The following C10orf90 variants were observed in gnomAD, a reference collection of about 807,000 sequenced individuals.
The protein encoded by C10orf90 is chromosome 10 open reading frame 90.
In C10orf90, 56 loss-of-function variants were observed where a neutral mutation model predicts 62.5. The observed-to-expected ratio is 0.90, with a 90% CI of 0.72 to 1.12. The LOEUF (loss-of-function observed/expected upper bound fraction) is 1.12. Ranked by LOEUF, C10orf90 falls within the 50% of genes most tolerant of loss-of-function variation. The pLI, the probability that C10orf90 is intolerant of heterozygous loss-of-function variation, is 0.00. For missense variants in C10orf90, 970 were observed against 880.4 expected (o/e 1.10, Z -1.29); for synonymous variants, 386 against 340.4 (o/e 1.13, Z -1.47).
chr10:126,540,040 G>A (rs1864337177), intron 2 of C10orf90, among the ~76,000 whole-genome samples: 1 of 152,104 alleles, frequency 6.6e-6, no homozygotes, highest in Admixed American at 6.6e-5. Context: ...AATCAAAGCA[G>A]CCTCCAAGAA....
intron 4 of C10orf90, among the ~76,000 whole-genome samples, chr10:126,465,913 C>T (rs1014743487): frequency 3.9e-5 from 6 of 152,168 alleles, no homozygotes; most frequent in African/African-American, 1.4e-4. Flanking sequence ...TGCTTTTAGA[C>T]TCAGAAATCT....
At chr10:126,555,905 G>A (rs893094) in intron 2 of C10orf90, among the ~76,000 whole-genome samples, 38,813 of 151,818 alleles carry the variant, frequency 0.26, 5,382 homozygotes, top group East Asian at 0.38. Context: ...ACTATACTCC[G>A]CAAAGATATC....
At chr10:126,431,819 G>C (rs749434697) in intron 7 of C10orf90, among the ~76,000 whole-genome samples, 82 of 151,804 alleles carry the variant, frequency 5.4e-4, no homozygotes, top group Non-Finnish European at 9.9e-4. Context: ...TGTTTCTTTA[G>C]AGCACCTGAT....
intron 1 of C10orf90, among the ~76,000 whole-genome samples, chr10:126,657,097 A>G (rs1334331215): frequency 6.6e-6 from 1 of 152,166 alleles, no homozygotes; most frequent in Non-Finnish European, 1.5e-5. Context: ...AGGGGCCAGT[A>G]CTCAGAAGTG....
chr10:126,652,332 A>C (rs977882613), intron 1 of C10orf90, among the ~76,000 whole-genome samples: 1 of 152,210 alleles, frequency 6.6e-6, no homozygotes, highest in South Asian at 2.1e-4. Flanking sequence ...CTGAGATAAT[A>C]TCCCTTATCT....
At chr10:126,478,424 A>G (rs1861006310) in intron 4 of C10orf90, among the ~76,000 whole-genome samples, 1 of 152,218 alleles carries the variant, frequency 6.6e-6, no homozygotes, top group Admixed American at 6.5e-5. Context: ...CTTTGTTATA[A>G]TTGACTCAGC....
rs140710105 is a variant in C10orf90, at chr10:126,664,774, A to T, written c.240+5467T>A. On this transcript the variant is annotated intron_variant, in intron 1 of 9. Coordinates refer to ENST00000488181, the MANE Select transcript of C10orf90 (RefSeq NM_001350921.2). ...ACTGTCCATTGTAGCGAGATTGGAG[A>T]CCTCACTCACCAGATTTCAGATATG... is the stretch of plus-strand genomic sequence containing the variant. Among the ~76,000 whole-genome samples, 554 of 152,152 alleles carry T rather than the reference A, an allele frequency of 3.6e-3. 2 individuals are homozygous for T. Among genetic ancestry groups the T allele is most frequent in the Non-Finnish European group, 7.0e-3 (473 of 67,984 alleles).
chr10:126,563,615 T>C (rs1483393365), intron 2 of C10orf90, among the ~76,000 whole-genome samples: 1 of 152,202 alleles, frequency 6.6e-6, no homozygotes, highest in Non-Finnish European at 1.5e-5. Context: ...CATTGATGGC[T>C]GTGATAGAGG....
At chr10:126,615,425 C>G (rs1032031759) in intron 2 of C10orf90, among the ~76,000 whole-genome samples, 1 of 152,142 alleles carries the variant, frequency 6.6e-6, no homozygotes, top group African/African-American at 2.4e-5. Flanking sequence ...AGGTATCTTA[C>G]ACCAAGTTAT....
At chr10:126,565,725 T>C (rs1591105103) in intron 2 of C10orf90, among the ~76,000 whole-genome samples, 1 of 152,010 alleles carries the variant, frequency 6.6e-6, no homozygotes, top group Non-Finnish European at 1.5e-5. Context: ...GAACTCTCCA[T>C]CCAGGAGGGG....
chr10:126,619,433 T>C (rs984876632), intron 2 of C10orf90, among the ~76,000 whole-genome samples: 1 of 152,238 alleles, frequency 6.6e-6, no homozygotes, highest in African/African-American at 2.4e-5. Flanking sequence ...TGTCAACTGC[T>C]TCAAATCTTT....
At chr10:126,468,570 G>A (rs374207932) in intron 4 of C10orf90, among the ~76,000 whole-genome samples, 36 of 152,292 alleles carry the variant, frequency 2.4e-4, no homozygotes, top group African/African-American at 7.9e-4. Context: ...GCATGTGTCC[G>A]GGCATGCTGG....
At position 126,505,155 on chromosome 10, in the gene C10orf90, G is replaced by A. The variant is rs144468561; in HGVS notation, c.406-70C>T. Reference sequence around the variant, plus strand: ...ATATAGACAGTAAACTCTCTTTCAAGGGCCACCAGGATGCCAGAGCACTGG... The same window carrying A: ...ATATAGACAGTAAACTCTCTTTCAAAGGCCACCAGGATGCCAGAGCACTGG... On this transcript the variant is annotated intron_variant, in intron 3 of 9. Coordinates refer to ENST00000488181, the MANE Select transcript of C10orf90 (RefSeq NM_001350921.2). 1.5e-3 allele frequency: 2,221 copies of A among 1,481,370 alleles called. 16 individuals are homozygous for A. The African/African-American group carries it at 0.025, about 16-fold the overall frequency. The allele number at this position is 1,481,370 out of a possible 1,614,324, so 91.8% of individuals were successfully genotyped here.
chr10:126,501,417 C>T (rs1245099759), intron 4 of C10orf90, among the ~76,000 whole-genome samples: 2 of 152,118 alleles, frequency 1.3e-5, no homozygotes, highest in Non-Finnish European at 2.9e-5. Context: ...TGAAGGTGTG[C>T]ATTTGTAGGC....
At position 126,503,992 on chromosome 10, in the gene C10orf90, AG is replaced by A; in HGVS notation, c.1498del (p.Leu500CysfsTer31). ...HCHASDHANQ[L>X]SIHIPGWSYR... ...ACTCCAGCCAGGAATGTGAATGGAC[AG>A]TTGGTTGGCATGATCGCTGGCGTGA... On this transcript the variant is annotated frameshift_variant, in exon 4 of 10. Coordinates refer to ENST00000488181, the MANE Select transcript of C10orf90 (RefSeq NM_001350921.2). LOFTEE classifies it high-confidence loss of function. The A allele has an allele frequency of 6.2e-7, 1 of 1,613,064 alleles. No individual in the cohort carries two copies. Among genetic ancestry groups the A allele is most frequent in the South Asian group, 1.1e-5 (1 of 90,920 alleles).
chr10:126,451,387 C>T lies in C10orf90; in HGVS notation c.2188+7653G>A, dbSNP rs558372996. Among the ~76,000 whole-genome samples, 396 of 152,120 alleles carry T rather than the reference C, an allele frequency of 2.6e-3. 4 individuals are homozygous for T. Among genetic ancestry groups the T allele is most frequent in the African/African-American group, 8.9e-3 (370 of 41,484 alleles). Reference sequence around the variant, plus strand: ...GGTATCAGCACTCCTGTGTTCGTTGCGGTATTATTCAGAATAGCCAAGATA... The same window carrying T: ...GGTATCAGCACTCCTGTGTTCGTTGTGGTATTATTCAGAATAGCCAAGATA... On this transcript the variant is annotated intron_variant, in intron 7 of 9. Transcript: ENST00000488181.
At position 126,665,560 on chromosome 10, in the gene C10orf90, C is replaced by T. The variant is rs529454580; in HGVS notation, c.240+4681G>A. Among the ~76,000 whole-genome samples, 4 of 152,242 alleles carry T rather than the reference C, an allele frequency of 2.6e-5. No individual in the cohort carries two copies. The East Asian group carries it at 5.8e-4, about 22-fold the overall frequency. On this transcript the variant is annotated intron_variant, in intron 1 of 9. Transcript: ENST00000488181. The stretch of plus-strand genomic sequence containing the variant: ...GGGATATTGAAACCACTCTGGGAGA[C>T]TTCTTCTTCCAGCCATGATAGAGTA...
At chr10:126,473,372 T>C (rs1860690163) in intron 4 of C10orf90, among the ~76,000 whole-genome samples, 1 of 152,228 alleles carries the variant, frequency 6.6e-6, no homozygotes. Context: ...CCCCATTTTG[T>C]TCAAGATGGC....
chr10:126,558,047 C>T (rs756208349), intron 2 of C10orf90, among the ~76,000 whole-genome samples: 10 of 152,168 alleles, frequency 6.6e-5, no homozygotes, highest in Non-Finnish European at 1.0e-4. Flanking sequence ...GTATCCTCTT[C>T]ACTCTCCAGG....
Sources: gnomAD v4.1 joint callset for allele counts (sites outside exome capture counted in the v4.1 genomes callset) on GRCh38, gnomAD v4.1.1 for gene constraint, MANE v1.5 for transcripts, NCBI Gene and HGNC (gene_info 2026-07-23, HGNC 2026-07-21) for gene names.